FAM178B: variants seen among roughly 807,000 people sequenced by gnomAD.
FAM178B encodes the protein protein FAM178B.
A neutral mutation model predicts 91.7 loss-of-function variants in FAM178B; 82 were observed. The observed-to-expected ratio is 0.89, with a 90% CI of 0.75 to 1.07. The LOEUF is 1.07. Ranked by LOEUF, FAM178B falls within the 50% of genes least tolerant of loss-of-function variation. The probability of loss-of-function intolerance (pLI) is 0.00; values close to 1 mark genes in which losing one functional copy is unlikely to be tolerated. For missense variants in FAM178B, 769 were observed against 846.7 expected (o/e 0.91, Z 1.14); for synonymous variants, 368 against 359.4 (o/e 1.02, Z -0.27).
chr2:96,964,148 C>T (rs1028065891), intron 5 of FAM178B, among the ~76,000 whole-genome samples: 3 of 93,808 alleles, frequency 3.2e-5, no homozygotes, highest in East Asian at 2.2e-4. Flanking sequence ...CCAGCCTGGG[C>T]GACAGAGTGA....
intron 9 of FAM178B, among the ~76,000 whole-genome samples, chr2:96,928,371 C>G (rs868054719): frequency 6.6e-6 from 1 of 152,142 alleles, no homozygotes; most frequent in Non-Finnish European, 1.5e-5. Flanking sequence ...TAAGCTAAGT[C>G]GCCATCCGCC....
At chr2:96,969,897 G>A (rs2153375631) in intron 4 of FAM178B, among the ~76,000 whole-genome samples, 1 of 152,364 alleles carries the variant, frequency 6.6e-6, no homozygotes, top group East Asian at 1.9e-4. Flanking sequence ...GAACTTTGAG[G>A]AGGGTGGAAA....
intron 8 of FAM178B, among the ~76,000 whole-genome samples, chr2:96,939,618 GA>G (rs1422866595): frequency 6.6e-6 from 1 of 152,228 alleles, no homozygotes; most frequent in Non-Finnish European, 1.5e-5. Context: ...CCCTGTGGCA[GA>G]AGGAAGATGG....
intron 12 of FAM178B, among the ~76,000 whole-genome samples, chr2:96,910,472 A>G (rs2081133184): frequency 6.6e-6 from 1 of 152,208 alleles, no homozygotes; most frequent in Non-Finnish European, 1.5e-5. Context: ...GCAAAATACG[A>G]ATTGTGTAGT....
intron 8 of FAM178B, among the ~76,000 whole-genome samples, chr2:96,939,368 C>T (rs933494878): frequency 3.6e-5 from 5 of 139,600 alleles, no homozygotes; most frequent in Admixed American, 2.9e-4. Context: ...TGGTGGTGGG[C>T]GCCTGTAATC....
intron 12 of FAM178B, among the ~76,000 whole-genome samples, chr2:96,920,129 G>A (rs2081309149): frequency 6.6e-6 from 1 of 152,102 alleles, no homozygotes; most frequent in African/African-American, 2.4e-5. Context: ...GAAGGGAAGA[G>A]GGAGAGAGAA....
At chr2:96,982,574 T>G (rs1257915363) in intron 1 of FAM178B, among the ~76,000 whole-genome samples, 1 of 149,082 alleles carries the variant, frequency 6.7e-6, no homozygotes, top group African/African-American at 2.5e-5. Flanking sequence ...AATTTATTTA[T>G]TTATTTTTGT....
chr2:96,949,282 GC>G (rs780312600), intron 7 of FAM178B, among the ~76,000 whole-genome samples: 3 of 152,116 alleles, frequency 2.0e-5, no homozygotes, highest in Non-Finnish European at 4.4e-5. Flanking sequence ...CCTCACCCAC[GC>G]CCTGGCTCAG....
intron 12 of FAM178B, among the ~76,000 whole-genome samples, chr2:96,916,454 A>G (rs1056498080): frequency 6.6e-5 from 10 of 152,250 alleles, no homozygotes; most frequent in African/African-American, 2.4e-4. Flanking sequence ...GAAGCAGCGC[A>G]CACAGGATGT....
At chr2:96,890,488 A>C (rs1017668238) in intron 14 of FAM178B, among the ~76,000 whole-genome samples, 7 of 152,118 alleles carry the variant, frequency 4.6e-5, no homozygotes, top group East Asian at 1.9e-4. Context: ...TGAATAGGCC[A>C]TGACCTCCAT....
intron 8 of FAM178B, among the ~76,000 whole-genome samples, chr2:96,944,241 C>CAAA (rs397868752): frequency 3.3e-4 from 19 of 56,858 alleles, no homozygotes; most frequent in East Asian, 1.1e-3. Flanking sequence ...GACTCCATCT[C>CAAA]AAAAAAAAAA....
chr2:96,919,207 T>C (rs1356398526), intron 12 of FAM178B, among the ~76,000 whole-genome samples: 2 of 152,212 alleles, frequency 1.3e-5, no homozygotes, highest in African/African-American at 2.4e-5. Context: ...GTGAGGTTTA[T>C]TGTGTGTATG....
rs868240130 is a variant in FAM178B, at chr2:96,893,786, C to T, written c.1776+140G>A. The T allele has an allele frequency of 3.8e-6, 4 of 1,045,696 alleles. No homozygotes were observed. In the African/African-American group the frequency reaches 4.9e-5, roughly 13 times the overall value. The allele number at this position is 1,045,696 out of a possible 1,614,324, so 64.8% of individuals were successfully genotyped here. On this transcript the variant is annotated intron_variant, in intron 14 of 16. Coordinates refer to ENST00000490605, the MANE Select transcript of FAM178B (RefSeq NM_001122646.3). ...ACCTCTGCTCAACACAGGGAGGCAG[C>T]CTGTTGGTCTCTGCCCTGGCATGGC...
chr2:96,940,169 G>A (rs934306080), intron 8 of FAM178B, among the ~76,000 whole-genome samples: 5 of 152,172 alleles, frequency 3.3e-5, no homozygotes, highest in Admixed American at 6.5e-5. Context: ...ATCCCAGCCC[G>A]CCTCTCTGGG....
At chr2:96,885,993 C>T (rs1341667185) in intron 14 of FAM178B, among the ~76,000 whole-genome samples, 2 of 129,686 alleles carry the variant, frequency 1.5e-5, no homozygotes, top group Non-Finnish European at 3.2e-5. Context: ...TTCCCCATGG[C>T]TTCCCCTTCT....
At chr2:96,884,783 G>A (rs2153367659) in intron 14 of FAM178B, among the ~76,000 whole-genome samples, 1 of 152,324 alleles carries the variant, frequency 6.6e-6, no homozygotes, top group Non-Finnish European at 1.5e-5. Flanking sequence ...TCTGAGCCTT[G>A]GCTTTGGCAG....
chr2:96,902,436 TCA>T (rs1291065916), intron 13 of FAM178B, among the ~76,000 whole-genome samples, 182 bp downstream of exon 13: 1 of 152,230 alleles, frequency 6.6e-6, no homozygotes, highest in African/African-American at 2.4e-5. Flanking sequence ...GGCTCTCAGC[TCA>T]CTGCTCTGTC....
rs2080232094 is a variant in FAM178B at position 96,876,013 on chromosome 2, GAGATGGCTGGGA to G, written c.*251_*262del. 7.4e-6 allele frequency: 4 copies of G among 537,674 alleles called. No homozygotes were observed. Among genetic ancestry groups the G allele is most frequent in the Admixed American group, 6.6e-5 (2 of 30,286 alleles). The allele number at this position is 537,674 out of a possible 1,614,324, so 33.3% of individuals were successfully genotyped here. On this transcript the variant is annotated 3_prime_UTR_variant, in exon 17 of 17. Transcript: ENST00000490605. ...TGGAGACAGAGGCCTTAGGGAAGAG[GAGATGGCTGGGA>G]GGAGGGCTGAGGGGTGGGCGAGGCA...
At chr2:96,935,887 C>T (rs558616484) in intron 8 of FAM178B, among the ~76,000 whole-genome samples, 5 of 151,830 alleles carry the variant, frequency 3.3e-5, no homozygotes, top group East Asian at 1.9e-4. Context: ...CCACGTGCCT[C>T]GGCTCCGCAA....
Sources: gnomAD v4.1 joint callset for allele counts (sites outside exome capture counted in the v4.1 genomes callset) on GRCh38, gnomAD v4.1.1 for gene constraint, MANE v1.5 for transcripts, NCBI Gene and HGNC (gene_info 2026-07-23, HGNC 2026-07-21) for gene names.